PUM1: variants seen among roughly 807,000 people sequenced by gnomAD.
PUM1 encodes the protein pumilio RNA binding family member 1.
Under a neutral mutation model 131.8 loss-of-function variants are expected in PUM1, and 13 were observed. That is an observed-to-expected ratio of 0.10 (90% CI 0.06 to 0.16). The LOEUF is 0.16. PUM1 is among the 10% of genes least tolerant of loss of function. The pLI is 1.00. For missense variants in PUM1, 961 were observed against 1,512.4 expected, an observed-to-expected ratio of 0.64 and a Z score of 6.05; for synonymous variants, 509 against 556.5, an observed-to-expected ratio of 0.91 and a Z score of 1.20.
intron 6 of PUM1, among the ~76,000 whole-genome samples, chr1:30,994,590 T>C (rs1381363079): frequency 2.0e-5 from 3 of 152,198 alleles, no homozygotes; most frequent in Non-Finnish European, 4.4e-5. Flanking sequence ...CTGGTCCACC[T>C]ACCTCAAAAA....
intron 6 of PUM1, among the ~76,000 whole-genome samples, chr1:30,993,391 C>T (rs1641869888): frequency 1.4e-5 from 2 of 148,112 alleles, no homozygotes; most frequent in Admixed American, 1.3e-4. Flanking sequence ...TTGTAGGACA[C>T]AAGGTTCTGG....
rs540478182 is a variant in PUM1 at position 30,941,366 on chromosome 1, T to C, written c.3121-94A>G. 197 of 1,319,406 alleles carry C rather than the reference T, an allele frequency of 1.5e-4. No homozygotes were observed. The African/African-American group carries it at 2.6e-3, about 17-fold the overall frequency. 81.7% of individuals were successfully genotyped at this position (1,319,406 alleles called of 1,614,324 possible). A position where few individuals can be genotyped will look rare whatever the true frequency, so the allele number is the denominator to read the frequency against. On this transcript the variant is annotated intron_variant, in intron 19 of 21. Coordinates refer to ENST00000426105, the MANE Select transcript of PUM1 (RefSeq NM_001020658.2). ...ATATCTAATTAAAACCTGTCTTTCTTTTACCACCATAACGGTTTATATGAA... is the reference window on the plus strand; with the variant it reads ...ATATCTAATTAAAACCTGTCTTTCTCTTACCACCATAACGGTTTATATGAA...
chr1:31,038,989 T>TACA (rs35957890), intron 2 of PUM1, among the ~76,000 whole-genome samples: 1 of 100,890 alleles, frequency 9.9e-6, no homozygotes, highest in Non-Finnish European at 1.9e-5. Flanking sequence ...TATATATTTT[T>TACA]TTTTTTTTTT....
chr1:30,981,680 TCACA>T (rs5773330), intron 7 of PUM1, among the ~76,000 whole-genome samples: 6 of 150,918 alleles, frequency 4.0e-5, no homozygotes, highest in African/African-American at 1.2e-4. Context: ...ACACACTCTC[TCACA>T]CACACACACA....
chr1:30,945,808 C>T (rs1401054609), intron 17 of PUM1, among the ~76,000 whole-genome samples: 1 of 151,370 alleles, frequency 6.6e-6, no homozygotes, highest in Non-Finnish European at 1.5e-5. Flanking sequence ...TTTTTTGAGA[C>T]GGAGTCTTGC....
At chr1:30,953,046 G>T (rs1285195201) in intron 15 of PUM1, among the ~76,000 whole-genome samples, 1 of 152,116 alleles carries the variant, frequency 6.6e-6, no homozygotes, top group Non-Finnish European at 1.5e-5. Context: ...TTCTGAAGTA[G>T]TAACAGTCTG....
Position 30,965,997 on chromosome 1 carries a change from C to T in PUM1, c.2071G>A (p.Gly691Arg). The change falls in exon 13 of 22, where the codon GGG becomes AGG. Residue 691 changes from glycine to arginine, a missense_variant. This residue lies in a region of PUM1 where 654 missense variants were observed against 923.9 expected (regional missense o/e 0.71). Transcript: ENST00000426105. ...TAATTTCTACCTGCTGTTCCAAACCCTCCAAGGGCGGATCCCAGGGTGGCG... is the reference window on the plus strand; with the variant it reads ...TAATTTCTACCTGCTGTTCCAAACCTTCCAAGGGCGGATCCCAGGGTGGCG... ...LGATLGSALG[G>R]FGTAVANSNT... 6.2e-7 allele frequency: 1 copy of T among 1,613,796 alleles called. No individual in the cohort carries two copies. The highest frequency in any genetic ancestry group is 8.5e-7 in the Non-Finnish European group (1 of 1,179,816).
At chr1:30,995,343 A>G in intron 5 of PUM1, 123 bp from the exon 6 acceptor site, 1 of 1,030,724 alleles carries the variant, frequency 9.7e-7, no homozygotes, top group Non-Finnish European at 1.4e-6. Context: ...CCTTTCACAC[A>G]TTACAATCTA....
At chr1:31,008,146 C>T (rs1038715541) in intron 3 of PUM1, among the ~76,000 whole-genome samples, 2 of 152,116 alleles carry the variant, frequency 1.3e-5, no homozygotes, top group South Asian at 2.1e-4. Context: ...CTCTCCTTGA[C>T]GATAAAGGTT....
intron 18 of PUM1, among the ~76,000 whole-genome samples, chr1:30,944,176 C>T (rs1232132647): frequency 6.6e-6 from 1 of 152,060 alleles, no homozygotes; most frequent in Non-Finnish European, 1.5e-5. Context: ...AGTGATCAAC[C>T]ATTGTGGTCA....
intron 10 of PUM1, 27 bp downstream of exon 10, chr1:30,974,624 G>A: frequency 6.3e-7 from 1 of 1,575,998 alleles, no homozygotes; most frequent in South Asian, 1.2e-5. Flanking sequence ...TTCCCACTTA[G>A]AAGAGGTAAA....
At chr1:31,035,700 G>C (rs184766835) in intron 2 of PUM1, among the ~76,000 whole-genome samples, 2 of 152,070 alleles carry the variant, frequency 1.3e-5, no homozygotes, top group Non-Finnish European at 2.9e-5. Context: ...GCAGTGAACC[G>C]AGATAGCGCC....
At chr1:30,976,542 C>T (rs561110962) in intron 9 of PUM1, among the ~76,000 whole-genome samples, 2 of 152,280 alleles carry the variant, frequency 1.3e-5, no homozygotes, top group South Asian at 4.1e-4. Context: ...ATTCTTGTTT[C>T]CCCCATTTTA....
intron 17 of PUM1, among the ~76,000 whole-genome samples, chr1:30,948,629 T>C (rs1050658077): frequency 1.3e-5 from 2 of 152,132 alleles, no homozygotes; most frequent in Non-Finnish European, 2.9e-5. Flanking sequence ...CGTATGCCTG[T>C]AGTTCCAGCT....
chr1:31,029,218 T>C (rs1238272130), intron 2 of PUM1, among the ~76,000 whole-genome samples: 3 of 152,264 alleles, frequency 2.0e-5, no homozygotes, highest in African/African-American at 7.2e-5. Flanking sequence ...AAGATGACTA[T>C]GTGACCTAAT....
chr1:30,966,276 C>T lies in PUM1; in HGVS notation c.1792G>A (p.Val598Ile). ...IISSSAAQAA[V>I]AAAAASANGA... ...TTTGCTGAAGCTGCGGCTGCTGCAA[C>T]AGCTATGAAGAAGAAAGCAAACCGT... Residue 598 changes from valine (V) to isoleucine (I), a missense_variant and splice_region_variant, in exon 13 of 22, where the codon GTT becomes ATT. By Grantham distance (29) the Val-to-Ile change is conservative. Transcript: ENST00000426105. The T allele has an allele frequency of 6.3e-7, 1 of 1,591,728 alleles. No individual in the cohort carries two copies. The highest frequency in any genetic ancestry group is 1.1e-5 in the South Asian group (1 of 88,024).
chr1:30,953,151 C>G (rs981012919), intron 15 of PUM1, among the ~76,000 whole-genome samples: 1 of 152,140 alleles, frequency 6.6e-6, no homozygotes, highest in African/African-American at 2.4e-5. Context: ...GGCCCAGTAG[C>G]AAGCTGGCAG....
intron 1 of PUM1, among the ~76,000 whole-genome samples, chr1:31,064,334 A>G (rs1462761049): frequency 6.6e-6 from 1 of 152,186 alleles, no homozygotes; most frequent in Non-Finnish European, 1.5e-5. Context: ...AAAGCAAAAC[A>G]CTAACTCAAA....
At position 30,964,871 on chromosome 1, in the gene PUM1, G is replaced by A. The variant is rs1640555524; in HGVS notation, c.2126C>T (p.Ser709Phe). The change falls in exon 14 of 22, where the codon TCC becomes TTC. Residue 709 changes from serine (S) to phenylalanine (F), a missense_variant. Coordinates refer to ENST00000426105, the MANE Select transcript of PUM1 (RefSeq NM_001020658.2). The part of the protein sequence containing the change: ...SNTGSGSRRD[S>F]LTGSSDLYKR... The stretch of plus-strand genomic sequence containing the variant: ...ATAAAGGTCACTGCTGCCAGTCAGG[G>A]AGTCACGGCGGGAGCCACTGCCAGT... 2 of 1,614,110 alleles carry A rather than the reference G, an allele frequency of 1.2e-6. No homozygotes were observed. The highest frequency in any genetic ancestry group is 1.7e-6 in the Non-Finnish European group (2 of 1,180,002).
Sources: gnomAD v4.1 joint callset for allele counts (sites outside exome capture counted in the v4.1 genomes callset) on GRCh38, gnomAD v4.1.1 for gene constraint, gnomAD v4.1.1 regional missense constraint, MANE v1.5 for transcripts, NCBI Gene and HGNC (gene_info 2026-07-23, HGNC 2026-07-21) for gene names.